The following KRR1 variants were observed in gnomAD, a reference collection of about 807,000 sequenced individuals.
The protein encoded by KRR1 is KRR1 small subunit processome component homolog.
Under a neutral mutation model 50.0 loss-of-function variants are expected in KRR1, and 23 were observed. That is an observed-to-expected ratio of 0.46 (90% CI 0.33 to 0.65). The LOEUF is 0.65. Among genes scored for constraint, KRR1 ranks in the 30% least tolerant of loss-of-function variants. KRR1 has a pLI of 0.02. For missense variants in KRR1, 419 were observed against 442.4 expected, an observed-to-expected ratio of 0.95 and a Z score of 0.47; for synonymous variants, 133 against 146.3, an observed-to-expected ratio of 0.91 and a Z score of 0.66.
In KRR1 at chr12:75,511,604, G is replaced by A; in HGVS notation, c.-7C>T. ...CCAGCGAGGGAGACGCCATTTGCAA[G>A]CTGCTTCCGGTGGCTCCGGAAATGA... On this transcript the variant is annotated 5_prime_UTR_variant, in exon 1 of 10. Transcript: ENST00000229214. 1.2e-6 allele frequency: 2 copies of A among 1,609,786 alleles called. No homozygotes were observed. The highest frequency in any genetic ancestry group is 1.7e-6 in the Non-Finnish European group (2 of 1,179,554).
intron 6 of KRR1, 92 bp from the exon 7 acceptor site, chr12:75,504,166 AAAAG>A (rs2046411990): frequency 2.3e-6 from 2 of 852,148 alleles, no homozygotes; most frequent in East Asian, 2.7e-5. Flanking sequence ...TATAAATAAT[AAAAG>A]AAACAGTTCC....
In KRR1 at chr12:75,511,287, G is replaced by A. The variant is rs532972062; in HGVS notation, c.85+226C>T. Among the ~76,000 whole-genome samples the A allele has an allele frequency of 2.2e-4, 34 of 152,238 alleles. 2 individuals are homozygous for A. In the South Asian group the frequency reaches 6.6e-3, roughly 30 times the overall value. On this transcript the variant is annotated intron_variant, in intron 1 of 9. Transcript: ENST00000229214. ...AAAAGACGTAATCCGCAACAGCTTCGCTTTGGGGACCCTTTAGCAAAAGCA... is the reference window on the plus strand; with the variant it reads ...AAAAGACGTAATCCGCAACAGCTTCACTTTGGGGACCCTTTAGCAAAAGCA...
chr12:75,504,193 T>C (rs2046412136), intron 6 of KRR1, 119 bp from the exon 7 acceptor site: 1 of 645,094 alleles, frequency 1.6e-6, no homozygotes, highest in Admixed American at 3.5e-5. Context: ...GTTTCTTTGG[T>C]GAAATTAAAC....
Position 75,497,090 on chromosome 12 carries a change from T to A in KRR1, c.*2719A>T, listed in dbSNP as rs1409987656. 6.6e-6 allele frequency: 1 copy of A among 152,246 alleles called. No individual in the cohort carries two copies. The highest frequency in any genetic ancestry group is 1.5e-5 in the Non-Finnish European group (1 of 68,036). 9.4% of individuals were successfully genotyped at this position (152,246 alleles called of 1,614,324 possible). A position where few individuals can be genotyped will look rare whatever the true frequency, so the allele number is the denominator to read the frequency against. On this transcript the variant is annotated 3_prime_UTR_variant, in exon 10 of 10. Transcript: ENST00000229214. The stretch of plus-strand genomic sequence containing the variant: ...CCAGTATACATAAGGGCTAAAACTA[T>A]GGATTTCAGAACCAGTATGCCAAGT...
Position 75,506,305 on chromosome 12 carries a change from A to C in KRR1, c.603+11T>G, listed in dbSNP as rs538718540. On this transcript the variant is annotated intron_variant, in intron 5 of 9. Coordinates refer to ENST00000229214, the MANE Select transcript of KRR1 (RefSeq NM_007043.7). ...GCTGAAAATGAATCGAAGATAATAC[A>C]TAGTTCTCACCTCTTTTAAGCCACT... 1 of 1,540,120 alleles carries C rather than the reference A, an allele frequency of 6.5e-7. No homozygotes were observed. Among genetic ancestry groups the C allele is most frequent in the East Asian group, 2.3e-5 (1 of 44,434 alleles).
rs200482879 is a variant in KRR1 at position 75,498,682 on chromosome 12, C to T, written c.*1127G>A. 69 of 1,609,238 alleles carry T rather than the reference C, an allele frequency of 4.3e-5. No homozygotes were observed. The East Asian group carries it at 8.9e-4, about 21-fold the overall frequency. On this transcript the variant is annotated 3_prime_UTR_variant, in exon 10 of 10. Coordinates refer to ENST00000229214, the MANE Select transcript of KRR1 (RefSeq NM_007043.7). ...TTTTAATTTTTTTTCTTTCTTCCCC[C>T]TAACTTTACAGTTAACCGACAGCGA...
Position 75,499,797 on chromosome 12 carries a change from G to GTTTTGGGTATGTTACTTT in KRR1, c.1140_*11dup. 1 of 1,587,836 alleles carries GTTTTGGGTATGTTACTTT rather than the reference G, an allele frequency of 6.3e-7. No individual in the cohort carries two copies. Among genetic ancestry groups the GTTTTGGGTATGTTACTTT allele is most frequent in the Non-Finnish European group, 8.6e-7 (1 of 1,168,950 alleles). On this transcript the variant is annotated 3_prime_UTR_variant, in exon 10 of 10. Coordinates refer to ENST00000229214, the MANE Select transcript of KRR1 (RefSeq NM_007043.7). ...AAAAGGAGATAGTTCTAGTCAAGGA[G>GTTTTGGGTATGTTACTTT]TTTTGGGTATGTTACTTTTTTTTCT...
rs1483381024 is a variant in KRR1 at position 75,498,099 on chromosome 12, A to G, written c.*1710T>C. On this transcript the variant is annotated 3_prime_UTR_variant, in exon 10 of 10. Transcript: ENST00000229214. Reference sequence around the variant, plus strand: ...AGCGACTGCTGCAGAACTGGTGTGGAAAAGGTTTCTATTTTATAAAAGAAA... The same window carrying G: ...AGCGACTGCTGCAGAACTGGTGTGGGAAAGGTTTCTATTTTATAAAAGAAA... 6.6e-6 allele frequency: 1 copy of G among 152,442 alleles called. No homozygotes were observed. Among genetic ancestry groups the G allele is most frequent in the Non-Finnish European group, 1.5e-5 (1 of 68,350 alleles). The allele number at this position is 152,442 out of a possible 1,614,324, so 9.4% of individuals were successfully genotyped here. A position where few individuals can be genotyped will look rare whatever the true frequency, so the allele number is the denominator to read the frequency against.
intron 6 of KRR1, 23 bp downstream of exon 6, chr12:75,505,175 A>G: frequency 6.6e-7 from 1 of 1,521,924 alleles, no homozygotes; most frequent in Non-Finnish European, 9.0e-7. Context: ...TCACTGGTAC[A>G]GTTATATATA....
chr12:75,506,981 C>T (rs1566105843), intron 2 of KRR1, 65 bp from the exon 3 acceptor site: 1 of 1,351,630 alleles, frequency 7.4e-7, no homozygotes, highest in Non-Finnish European at 9.9e-7. Flanking sequence ...ATTATAAAGC[C>T]TCTCCTAACC....
At position 75,499,710 on chromosome 12, in the gene KRR1, A is replaced by C; in HGVS notation, c.*99T>G. ...CAACCACCACCACCAAAAAAAAAAA[A>C]AGCCCTCAGAAAATTTCTCACAAAT... is the stretch of plus-strand genomic sequence containing the variant. On this transcript the variant is annotated 3_prime_UTR_variant, in exon 10 of 10. Coordinates refer to ENST00000229214, the MANE Select transcript of KRR1 (RefSeq NM_007043.7). The C allele has an allele frequency of 2.5e-6, 2 of 791,696 alleles. No homozygotes were observed. The highest frequency in any genetic ancestry group is 2.3e-5 in the South Asian group (1 of 43,436). 49.0% of individuals were successfully genotyped at this position (791,696 alleles called of 1,614,324 possible).
At chr12:75,506,175 G>T in intron 5 of KRR1, 141 bp downstream of exon 5, 2 of 582,320 alleles carry the variant, frequency 3.4e-6, no homozygotes, top group Non-Finnish European at 5.8e-6. Flanking sequence ...TGAATTATAT[G>T]ACATAAAAAG....
At chr12:75,508,497 T>C in intron 1 of KRR1, 51 bp from the exon 2 acceptor site, 1 of 1,373,938 alleles carries the variant, frequency 7.3e-7, no homozygotes, top group East Asian at 2.4e-5. Flanking sequence ...CTTTTGGACA[T>C]ACACATCACA....
chr12:75,508,049 A>C (rs1030494380), intron 2 of KRR1, among the ~76,000 whole-genome samples: 4 of 152,180 alleles, frequency 2.6e-5, no homozygotes, highest in Non-Finnish European at 4.4e-5. Context: ...TAAAATATTA[A>C]AGGTATGTAA....
chr12:75,498,956 C>G lies in KRR1; in HGVS notation c.*853G>C, dbSNP rs780690430. 2.6e-5 allele frequency: 42 copies of G among 1,598,872 alleles called. No individual in the cohort carries two copies. Among genetic ancestry groups the G allele is most frequent in the Admixed American group, 5.2e-5 (3 of 57,336 alleles). ...ACCATTTTGGTACAGCACAAGTACC[C>G]TAATTTAGTTCTTTTGGACTAATAC... On this transcript the variant is annotated 3_prime_UTR_variant, in exon 10 of 10. Transcript: ENST00000229214.
At chr12:75,507,192 T>C (rs1298433031) in intron 2 of KRR1, among the ~76,000 whole-genome samples, 1 of 152,170 alleles carries the variant, frequency 6.6e-6, no homozygotes, top group East Asian at 1.9e-4. Flanking sequence ...TTAAAAATTA[T>C]AAATCAAACA....
Position 75,502,326 on chromosome 12 carries a change from G to A in KRR1, c.832-326C>T, listed in dbSNP as rs955872706. The A allele has an allele frequency of 6.7e-5, 14 of 208,424 alleles. No homozygotes were observed. In the East Asian group the frequency reaches 1.5e-3, roughly 22 times the overall value. The allele number at this position is 208,424 out of a possible 1,614,324, so 12.9% of individuals were successfully genotyped here. On this transcript the variant is annotated intron_variant, in intron 7 of 9. Transcript: ENST00000229214. ...GAAGCTTCAATGGCAGACAAAGTAGGAGGGATAAGATTTAGAAATGACTGT... is the reference window on the plus strand; with the variant it reads ...GAAGCTTCAATGGCAGACAAAGTAGAAGGGATAAGATTTAGAAATGACTGT...
In KRR1 at chr12:75,504,737, A is replaced by G. The variant is rs150118288; in HGVS notation, c.660+461T>C. On this transcript the variant is annotated intron_variant, in intron 6 of 9. Transcript: ENST00000229214. ...CCAAGAATAATCAAACTTTGTGCAC[A>G]CAGGGATATAACAGTTCTCTCTCAA... Among the ~76,000 whole-genome samples, 511 of 152,198 alleles carry G rather than the reference A, an allele frequency of 3.4e-3. 3 individuals carry two copies. The highest frequency in any genetic ancestry group is 0.017 in the Middle Eastern group (5 of 294).
chr12:75,497,208 C>T lies in KRR1; in HGVS notation c.*2601G>A, dbSNP rs1233863846. On this transcript the variant is annotated 3_prime_UTR_variant, in exon 10 of 10. Transcript: ENST00000229214. ...AACAACCCAGTGAAAAAAATGTTTCCCTTTAAAAATCTAGGCAATTAGTAA... is the reference window on the plus strand; with the variant it reads ...AACAACCCAGTGAAAAAAATGTTTCTCTTTAAAAATCTAGGCAATTAGTAA... 6.6e-6 allele frequency: 1 copy of T among 152,056 alleles called. No individual in the cohort carries two copies. Among genetic ancestry groups the T allele is most frequent in the Non-Finnish European group, 1.5e-5 (1 of 68,022 alleles). The allele number at this position is 152,056 out of a possible 1,614,324, so 9.4% of individuals were successfully genotyped here.
Sources: gnomAD v4.1 joint callset for allele counts (sites outside exome capture counted in the v4.1 genomes callset) on GRCh38, gnomAD v4.1.1 for gene constraint, MANE v1.5 for transcripts, NCBI Gene and HGNC (gene_info 2026-07-23, HGNC 2026-07-21) for gene names.